STAB2: variants seen among roughly 807,000 people sequenced by gnomAD.
STAB2 encodes the protein stabilin-2.
STAB2 carries 288 observed loss-of-function variants against 338.1 expected under a neutral mutation model. That is an observed-to-expected ratio of 0.85 (90% CI 0.77 to 0.94). The LOEUF (loss-of-function observed/expected upper bound fraction) is 0.94, where lower values mean the gene tolerates loss of function less well. STAB2 is among the 40% of genes least tolerant of loss of function. The pLI, the probability that STAB2 is intolerant of heterozygous loss-of-function variation, is 0.00. For missense variants in STAB2, 3,141 were observed against 3,210.1 expected, an observed-to-expected ratio of 0.98 and a Z score of 0.52; for synonymous variants, 1,202 against 1,193.3, an observed-to-expected ratio of 1.01 and a Z score of -0.15.
intron 52 of STAB2, 50 bp downstream of exon 52, chr12:103,735,630 C>A: frequency 7.8e-7 from 1 of 1,287,384 alleles, no homozygotes; most frequent in Non-Finnish European, 1.1e-6. Flanking sequence ...ACATTCACAG[C>A]AAGCTATTCC....
chr12:103,632,350 G>A (rs1395315339), intron 6 of STAB2, among the ~76,000 whole-genome samples: 1 of 152,200 alleles, frequency 6.6e-6, no homozygotes, highest in Non-Finnish European at 1.5e-5. Context: ...AACAAAGGAA[G>A]GAGAAATTTG....
At chr12:103,751,363 C>T (rs554535074) in intron 60 of STAB2, among the ~76,000 whole-genome samples, 17 of 152,204 alleles carry the variant, frequency 1.1e-4, no homozygotes, top group South Asian at 6.2e-4. Context: ...CCCCTAGTGG[C>T]AGGGTCTGTA....
At chr12:103,688,301 C>A in intron 28 of STAB2, 86 bp downstream of exon 28, 1 of 1,341,432 alleles carries the variant, frequency 7.5e-7, no homozygotes, top group Non-Finnish European at 1.1e-6. Context: ...GAAAATGCAG[C>A]TGGTAAGGAG....
Position 103,631,712 on chromosome 12 carries a change from C to G in STAB2, c.583+19C>G. ...GACAAGCGTAAGTACTGCTAGTTCC[C>G]TTAATGCCACACCAGATCAAACAGG... On this transcript the variant is annotated intron_variant, in intron 6 of 68. Coordinates refer to ENST00000388887, the MANE Select transcript of STAB2 (RefSeq NM_017564.10). 1 of 1,608,328 alleles carries G rather than the reference C, an allele frequency of 6.2e-7. No individual in the cohort carries two copies. The highest frequency in any genetic ancestry group is 8.5e-7 in the Non-Finnish European group (1 of 1,174,680).
intron 5 of STAB2, among the ~76,000 whole-genome samples, chr12:103,631,295 G>A (rs1957457682): frequency 6.6e-6 from 1 of 152,106 alleles, no homozygotes; most frequent in South Asian, 2.1e-4. Context: ...TTCTCTTGTT[G>A]AGGTATCCAA....
intron 30 of STAB2, 57 bp from the exon 31 acceptor site, chr12:103,692,755 C>A: frequency 6.9e-7 from 1 of 1,452,672 alleles, no homozygotes; most frequent in South Asian, 1.2e-5. Context: ...GAGATCATCT[C>A]AATCCCAAGG....
At chr12:103,596,216 A>C (rs1179192984) in intron 3 of STAB2, among the ~76,000 whole-genome samples, 2 of 152,254 alleles carry the variant, frequency 1.3e-5, no homozygotes, top group Non-Finnish European at 2.9e-5. Context: ...TTGATACAAT[A>C]GAAAGAACTT....
In STAB2 at chr12:103,590,959, C is replaced by G. The variant is rs767565884; in HGVS notation, c.144C>G (p.Leu48=). 5 of 1,614,120 alleles carry G rather than the reference C, an allele frequency of 3.1e-6. No homozygotes were observed. Among genetic ancestry groups the G allele is most frequent in the Admixed American group, 1.7e-5 (1 of 60,016 alleles). Residue 48 remains leucine (L), a synonymous_variant, in exon 2 of 69, where the codon CTC becomes CTG. Transcript: ENST00000388887. ...TIRTECRSCA[L]NLGVKCPDGY... ...GGACCGAGTGCCGATCCTGCGCTCTCAACCTTGGAGTCAAGTGCCCGGATG... is the reference window on the plus strand; with the variant it reads ...GGACCGAGTGCCGATCCTGCGCTCTGAACCTTGGAGTCAAGTGCCCGGATG...
At chr12:103,701,639 T>G (rs538536983) in intron 34 of STAB2, among the ~76,000 whole-genome samples, 1 of 152,362 alleles carries the variant, frequency 6.6e-6, no homozygotes, top group Admixed American at 6.5e-5. Context: ...CTTCTATTTT[T>G]AGTATTTAAA....
In STAB2 at chr12:103,637,976, C is replaced by A. The variant is rs115069740; in HGVS notation, c.710-40C>A. On this transcript the variant is annotated intron_variant, in intron 7 of 68. Coordinates refer to ENST00000388887, the MANE Select transcript of STAB2 (RefSeq NM_017564.10). ...CGGTTCAGTTTTCCTTCTCCATCCC[C>A]GTTAACTAACTGCCTCTCATTTTGC... 13 of 1,585,784 alleles carry A rather than the reference C, an allele frequency of 8.2e-6. No individual in the cohort carries two copies. The African/African-American group carries it at 1.7e-4, about 21-fold the overall frequency.
At chr12:103,712,681 C>T (rs1184411595) in intron 41 of STAB2, among the ~76,000 whole-genome samples, 2 of 152,220 alleles carry the variant, frequency 1.3e-5, no homozygotes, top group African/African-American at 4.8e-5. Flanking sequence ...TGAGAACCCA[C>T]ATAATGATCG....
In STAB2 at chr12:103,683,301, G is replaced by GT; in HGVS notation, c.2901+2dup. The stretch of plus-strand genomic sequence containing the variant: ...ACAAACCGGGAAATGTCATCCATTG[G>GT]TGAGTTATTTAACCTTGTTTTTCAT... On this transcript the variant is annotated splice_donor_variant, in intron 26 of 68. Transcript: ENST00000388887. LOFTEE classifies it high-confidence loss of function. 6.3e-7 allele frequency: 1 copy of GT among 1,597,750 alleles called. No individual in the cohort carries two copies.
intron 22 of STAB2, among the ~76,000 whole-genome samples, chr12:103,673,292 C>T (rs1009736475): frequency 2.0e-5 from 3 of 152,010 alleles, no homozygotes; most frequent in Admixed American, 1.3e-4. Flanking sequence ...GTCACATCCT[C>T]TTCCCCACAC....
chr12:103,656,677 A>ATT (rs62855260), intron 15 of STAB2, among the ~76,000 whole-genome samples: 18,302 of 118,956 alleles, frequency 0.15, 1,586 homozygotes, highest in South Asian at 0.23. Flanking sequence ...AAAACTTAGG[A>ATT]TTTTTTTTTT....
chr12:103,614,805 A>G (rs1194512492), intron 3 of STAB2, among the ~76,000 whole-genome samples: 2 of 152,192 alleles, frequency 1.3e-5, no homozygotes, highest in Non-Finnish European at 2.9e-5. Context: ...TGTTTAGGAC[A>G]TTCTACATAA....
chr12:103,763,606 A>G lies in STAB2; in HGVS notation c.7603A>G (p.Thr2535Ala), dbSNP rs751184723. The G allele has an allele frequency of 6.2e-7, 1 of 1,613,506 alleles. No individual in the cohort carries two copies. Among genetic ancestry groups the G allele is most frequent in the Non-Finnish European group, 8.5e-7 (1 of 1,179,648 alleles). Residue 2535 changes from threonine to alanine, a missense_variant and splice_region_variant, in exon 68 of 69, where the codon ACG becomes GCG. Transcript: ENST00000388887. ...APPEPSYDPF[T>A]DSEERQLEGN... is the part of the protein sequence containing the mutation. ...CCCAGAACCTTCCTACGACCCCTTC[A>G]CGGTGAGTTTGCATTCTTATCTAGG... is the stretch of plus-strand genomic sequence containing the variant.
chr12:103,700,129 G>C (rs1158998935), intron 34 of STAB2, among the ~76,000 whole-genome samples: 1 of 152,116 alleles, frequency 6.6e-6, no homozygotes, highest in Non-Finnish European at 1.5e-5. Flanking sequence ...ATTTAAACGT[G>C]TTTACAATTC....
chr12:103,669,760 C>T, intron 21 of STAB2, 133 bp downstream of exon 21: 1 of 709,462 alleles, frequency 1.4e-6, no homozygotes, highest in African/African-American at 1.8e-5. Flanking sequence ...AAAAGAACAG[C>T]AGGTGTCTGC....
intron 30 of STAB2, among the ~76,000 whole-genome samples, chr12:103,691,499 G>A (rs1008225661): frequency 6.6e-6 from 1 of 152,134 alleles, no homozygotes; most frequent in Non-Finnish European, 1.5e-5. Flanking sequence ...AATTAAAATT[G>A]TATGTATTTA....
Sources: allele counts gnomAD v4.1 joint callset (sites outside exome capture counted in the v4.1 genomes callset), GRCh38; gene constraint gnomAD v4.1.1; transcripts MANE v1.5; gene names NCBI Gene and HGNC (gene_info 2026-07-23, HGNC 2026-07-21).